Variants in XPR1 observed in about 807,000 individuals in gnomAD.
XPR1 encodes solute carrier family 53 member 1.
A neutral mutation model predicts 87.5 loss-of-function variants in XPR1; 28 were observed. That is an observed-to-expected ratio of 0.32 (90% CI 0.24 to 0.44). The LOEUF (loss-of-function observed/expected upper bound fraction) is 0.44, where lower values mean the gene tolerates loss of function less well. XPR1 is among the 20% of genes least tolerant of loss of function. XPR1 has a pLI of 1.00. For synonymous variants in XPR1, 300 were observed against 306.1 expected (o/e 0.98, Z 0.21); for missense variants, 559 against 862.3 (o/e 0.65, Z 4.41).
rs188688692 is a variant in XPR1, at chr1:180,889,649, A to G, written c.*5583A>G. 1 of 152,382 alleles carries G rather than the reference A, an allele frequency of 6.6e-6. No homozygotes were observed. The highest frequency in any genetic ancestry group is 1.9e-4 in the East Asian group (1 of 5,192). 9.4% of individuals were successfully genotyped at this position (152,382 alleles called of 1,614,324 possible). A position where few individuals can be genotyped will look rare whatever the true frequency, so the allele number is the denominator to read the frequency against. On this transcript the variant is annotated 3_prime_UTR_variant, in exon 15 of 15. Transcript: ENST00000367590. ...CACTCACATTTCAATTACAAAAAGA[A>G]CAGAACTCTTAATCACGTTGTGAAG...
At chr1:180,669,358 A>G (rs1656075684) in intron 1 of XPR1, among the ~76,000 whole-genome samples, 1 of 151,880 alleles carries the variant, frequency 6.6e-6, no homozygotes, top group Non-Finnish European at 1.5e-5. Flanking sequence ...TCTTTAGTGT[A>G]TAAATTTTGT....
At chr1:180,834,351 T>G (rs904670605) in intron 9 of XPR1, among the ~76,000 whole-genome samples, 2 of 152,330 alleles carry the variant, frequency 1.3e-5, no homozygotes, top group Admixed American at 6.5e-5. Context: ...GTGCTGGGAT[T>G]ACAGGTGTGA....
chr1:180,659,323 TCTTC>T (rs1250686160), intron 1 of XPR1, among the ~76,000 whole-genome samples: 19 of 138,932 alleles, frequency 1.4e-4, no homozygotes, highest in East Asian at 2.4e-4. Flanking sequence ...CTGTAGTCTG[TCTTC>T]CTTCCTTCCT....
chr1:180,758,888 T>G (rs558920246), intron 2 of XPR1: 7 of 152,392 alleles, frequency 4.6e-5, no homozygotes, highest in African/African-American at 1.7e-4. Context: ...TCAGCAAATG[T>G]AAAAGAACAG....
At chr1:180,783,792 A>C (rs12120797) in intron 2 of XPR1, among the ~76,000 whole-genome samples, 73,153 of 151,608 alleles carry the variant, frequency 0.48, 18,442 homozygotes, top group African/African-American at 0.5. Flanking sequence ...TGGTGGCTCA[A>C]ACCTGTAATC....
intron 2 of XPR1, among the ~76,000 whole-genome samples, chr1:180,703,053 G>A (rs1276859458): frequency 6.6e-6 from 1 of 152,156 alleles, no homozygotes; most frequent in African/African-American, 2.4e-5. Flanking sequence ...GCTTTAATTA[G>A]TGTCAGTGGT....
intron 2 of XPR1, among the ~76,000 whole-genome samples, chr1:180,695,115 T>G (rs1657119412): frequency 6.6e-6 from 1 of 152,218 alleles, no homozygotes; most frequent in Non-Finnish European, 1.5e-5. Flanking sequence ...TATCTCATTG[T>G]GGTTTTGATT....
At chr1:180,843,076 G>A (rs1558035540) in intron 11 of XPR1, among the ~76,000 whole-genome samples, 1 of 152,168 alleles carries the variant, frequency 6.6e-6, no homozygotes, top group African/African-American at 2.4e-5. Context: ...CTCAGTAGGA[G>A]CTCAGGGCCT....
intron 2 of XPR1, among the ~76,000 whole-genome samples, chr1:180,711,522 G>A (rs574841969): frequency 2.6e-5 from 4 of 152,248 alleles, no homozygotes; most frequent in South Asian, 4.1e-4. Context: ...GCTGAGGCAG[G>A]AGAATGAGGC....
intron 2 of XPR1, among the ~76,000 whole-genome samples, chr1:180,704,814 GTTTTTTTTTTTTT>G (rs567903048): frequency 3.9e-5 from 2 of 51,944 alleles, no homozygotes; most frequent in Non-Finnish European, 6.9e-5. Context: ...ACTGTTGGTT[GTTTTTTTTTTTTT>G]TTTTTTTTTT....
intron 4 of XPR1, among the ~76,000 whole-genome samples, chr1:180,805,644 G>T (rs1649964881): frequency 1.3e-5 from 2 of 152,124 alleles, no homozygotes; most frequent in East Asian, 1.9e-4. Context: ...CAAAAATAAA[G>T]AACTAAATAA....
intron 2 of XPR1, among the ~76,000 whole-genome samples, chr1:180,740,838 C>T (rs1380972762): frequency 3.3e-5 from 5 of 152,110 alleles, no homozygotes; most frequent in Admixed American, 3.3e-4. Context: ...CAGCAGATTC[C>T]CATGTCTGAA....
chr1:180,681,253 G>A (rs1320001487), intron 1 of XPR1, among the ~76,000 whole-genome samples: 1 of 152,076 alleles, frequency 6.6e-6, no homozygotes, highest in East Asian at 1.9e-4. Flanking sequence ...TTTAGATGAT[G>A]GATATCCTAA....
intron 2 of XPR1, among the ~76,000 whole-genome samples, chr1:180,691,453 G>C (rs543805517): frequency 6.6e-6 from 1 of 152,222 alleles, no homozygotes; most frequent in South Asian, 2.1e-4. Context: ...TTGATGGAGA[G>C]TGTACATAGC....
intron 2 of XPR1, among the ~76,000 whole-genome samples, chr1:180,696,964 T>C (rs555451572): frequency 3.0e-4 from 45 of 152,176 alleles, no homozygotes; most frequent in Non-Finnish European, 4.9e-4. Flanking sequence ...TGTCTTTGTC[T>C]GATTTTGTTA....
At chr1:180,681,280 A>C (rs2101943061) in intron 1 of XPR1, among the ~76,000 whole-genome samples, 1 of 152,372 alleles carries the variant, frequency 6.6e-6, no homozygotes, top group African/African-American at 2.4e-5. Context: ...TGATCTGATC[A>C]CTATAGACCA....
chr1:180,651,407 A>C (rs1655289204), intron 1 of XPR1, among the ~76,000 whole-genome samples: 1 of 152,092 alleles, frequency 6.6e-6, no homozygotes, highest in African/African-American at 2.4e-5. Flanking sequence ...CCATTTCTTA[A>C]ACAACATTGT....
chr1:180,789,227 C>T lies in XPR1; in HGVS notation c.223+1373C>T, dbSNP rs545678025. On this transcript the variant is annotated intron_variant, in intron 3 of 14. Coordinates refer to ENST00000367590, the MANE Select transcript of XPR1 (RefSeq NM_004736.4). ...CTCCTATTTGTTAGCATCTACTGAC[C>T]TCTTGGTTGCTCACTGTGAACTTAG... Among the ~76,000 whole-genome samples the T allele has an allele frequency of 9.2e-5, 14 of 152,244 alleles. 1 individual carries two copies. In the South Asian group the frequency reaches 2.7e-3, roughly 29 times the overall value.
At chr1:180,844,548 A>G (rs537937551) in intron 11 of XPR1, among the ~76,000 whole-genome samples, 2 of 152,328 alleles carry the variant, frequency 1.3e-5, no homozygotes, top group African/African-American at 4.8e-5. Context: ...ATAATACAGT[A>G]AGTGTACTCA....
Sources: gnomAD v4.1 joint callset for allele counts (sites outside exome capture counted in the v4.1 genomes callset) on GRCh38, gnomAD v4.1.1 for gene constraint, MANE v1.5 for transcripts, NCBI Gene and HGNC (gene_info 2026-07-23, HGNC 2026-07-21) for gene names.